GCM1: variants seen among roughly 807,000 people sequenced by gnomAD.
GCM1 encodes chorion-specific transcription factor GCMa.
GCM1 carries 2 observed loss-of-function variants against 25.7 expected under a neutral mutation model. The observed-to-expected ratio is 0.08, with a 90% CI of 0.03 to 0.24. The LOEUF is 0.24. GCM1 is among the 10% of genes least tolerant of loss of function. The pLI, the probability that GCM1 is intolerant of heterozygous loss-of-function variation, is 1.00. For missense variants in GCM1, 395 were observed against 538.7 expected (o/e 0.73, Z 2.64); for synonymous variants, 183 against 195.7 (o/e 0.94, Z 0.54).
chr6:53,131,032 G>A (rs1184888213), intron 4 of GCM1, 101 bp from the exon 5 acceptor site: 7 of 1,138,950 alleles, frequency 6.1e-6, no homozygotes, highest in South Asian at 2.8e-5. Context: ...TGCCCCGGGG[G>A]TGGTGTTGCA....
Position 53,128,235 on chromosome 6 carries a change from T to G in GCM1, c.1282A>C (p.Met428Leu). ...CTCAAAGGACACAGGTTCAGAAGCA[T>G]ATCATTGTTGCAGTGATCCAAACCC... is the stretch of plus-strand genomic sequence containing the variant. The part of the protein sequence containing the change: ...YLGLDHCNND[M>L]LLNLCPLR Residue 428 changes from methionine (M) to leucine (L), a missense_variant, in exon 6 of 6, where the codon ATG becomes CTG. Around this residue, in one of 5 missense-constraint regions of GCM1, gnomAD observed 291 missense variants for 314.6 expected, o/e 0.92. Transcript: ENST00000259803. 2 of 1,610,398 alleles carry G rather than the reference T, an allele frequency of 1.2e-6. No homozygotes were observed. The highest frequency in any genetic ancestry group is 1.7e-6 in the Non-Finnish European group (2 of 1,179,870).
chr6:53,132,336 G>A (rs1222321413), intron 3 of GCM1, among the ~76,000 whole-genome samples: 1 of 152,196 alleles, frequency 6.6e-6, no homozygotes, highest in African/African-American at 2.4e-5. Flanking sequence ...TAGGGGAAGT[G>A]GTTGCCTACC....
chr6:53,130,769 C>T (rs777781436), intron 5 of GCM1, 34 bp downstream of exon 5: 37 of 1,592,118 alleles, frequency 2.3e-5, no homozygotes, highest in Non-Finnish European at 2.7e-5. Context: ...TGGCAAGCTA[C>T]TGCATGTATT....
intron 1 of GCM1, among the ~76,000 whole-genome samples, chr6:53,147,585 C>T (rs143998181): frequency 6.6e-6 from 1 of 151,758 alleles, no homozygotes; most frequent in African/African-American, 2.4e-5. Context: ...CGCACCACCA[C>T]ACCCAGCTAA....
At position 53,128,335 on chromosome 6, in the gene GCM1, G is replaced by A; in HGVS notation, c.1182C>T (p.Ala394=). The A allele has an allele frequency of 6.2e-7, 1 of 1,614,086 alleles. No individual in the cohort carries two copies. The highest frequency in any genetic ancestry group is 8.5e-7 in the Non-Finnish European group (1 of 1,179,972). The change falls in exon 6 of 6, where the codon GCC becomes GCT. Residue 394 remains alanine (A), a synonymous_variant. Coordinates refer to ENST00000259803, the MANE Select transcript of GCM1 (RefSeq NM_003643.4). ...PQEDPFLFTY[A]SHPHQQYSLP... is the part of the protein sequence containing the mutation. ...GTGAATATTGCTGATGAGGATGAGA[G>A]GCGTAGGTGAAGAGAAAGGGGTCTT...
rs1317203832 is a variant in GCM1 at position 53,128,914 on chromosome 6, A to G, written c.603T>C (p.Ser201=). 1.2e-6 allele frequency: 2 copies of G among 1,613,240 alleles called. No homozygotes were observed. Among genetic ancestry groups the G allele is most frequent in the East Asian group, 4.5e-5 (2 of 44,874 alleles). The part of the protein sequence containing the change: ...SLPGETQSQG[S]LPLTWSFQEG... ...CCTGGAAAGACCAAGTTAAAGGTAA[A>G]CTCCCCTGACTTTGTGTTTCACCTG... The change falls in exon 6 of 6, where the codon AGT becomes AGC. Residue 201 remains serine (S), a synonymous_variant. Coordinates refer to ENST00000259803, the MANE Select transcript of GCM1 (RefSeq NM_003643.4).
chr6:53,140,630 A>G (rs921683077), intron 2 of GCM1, among the ~76,000 whole-genome samples: 2 of 151,522 alleles, frequency 1.3e-5, no homozygotes, highest in Admixed American at 1.3e-4. Context: ...CTCAGTGTGT[A>G]GGAACAAAAT....
At chr6:53,129,639 A>G (rs1029455116) in intron 5 of GCM1, among the ~76,000 whole-genome samples, 1 of 152,176 alleles carries the variant, frequency 6.6e-6, no homozygotes, top group Admixed American at 6.5e-5. Context: ...AACTTCAAAG[A>G]TTTATATTAT....
At chr6:53,144,334 A>G (rs907176526) in intron 2 of GCM1, among the ~76,000 whole-genome samples, 1 of 151,180 alleles carries the variant, frequency 6.6e-6, no homozygotes, top group Non-Finnish European at 1.5e-5. Flanking sequence ...CTGAGGCAGG[A>G]GGATCACTTG....
rs139699761 is a variant in GCM1, at chr6:53,128,249, T to A, written c.1268A>T (p.His423Leu). ...EEEMTYLGLD[H>L]CNNDMLLNLC... Reference sequence around the variant, plus strand: ...GTTCAGAAGCATATCATTGTTGCAGTGATCCAAACCCAAGTATGTCATTTC... The same window carrying A: ...GTTCAGAAGCATATCATTGTTGCAGAGATCCAAACCCAAGTATGTCATTTC... The change falls in exon 6 of 6, where the codon CAC becomes CTC. Residue 423 changes from histidine to leucine, a missense_variant. Around this residue, in one of 5 missense-constraint regions of GCM1, gnomAD observed 291 missense variants for 314.6 expected, o/e 0.92. Coordinates refer to ENST00000259803, the MANE Select transcript of GCM1 (RefSeq NM_003643.4). 1.5e-4 allele frequency: 238 copies of A among 1,612,278 alleles called. No individual in the cohort carries two copies. In the South Asian group the frequency reaches 1.8e-3, roughly 12 times the overall value.
Position 53,128,801 on chromosome 6 carries a change from G to A in GCM1, c.716C>T (p.Ser239Phe). 1.2e-6 allele frequency: 2 copies of A among 1,613,732 alleles called. No individual in the cohort carries two copies. The highest frequency in any genetic ancestry group is 1.7e-6 in the Non-Finnish European group (2 of 1,179,668). Residue 239 changes from serine to phenylalanine, a missense_variant, in exon 6 of 6, where the codon TCC (serine) becomes TTC (phenylalanine). By Grantham distance (155) the Ser-to-Phe change is radical (BLOSUM62 -2). Coordinates refer to ENST00000259803, the MANE Select transcript of GCM1 (RefSeq NM_003643.4). ...GATTCCTCCCAGACCATAACTCTTGGAGAAGGAAAAGCAATCATTTAGTGA... is the reference window on the plus strand; with the variant it reads ...GATTCCTCCCAGACCATAACTCTTGAAGAAGGAAAAGCAATCATTTAGTGA... ...QNSLNDCFSF[S>F]KSYGLGGITD...
chr6:53,147,893 A>G (rs1192423180), intron 1 of GCM1, among the ~76,000 whole-genome samples: 4 of 152,152 alleles, frequency 2.6e-5, no homozygotes, highest in Admixed American at 6.6e-5. Context: ...TTTCTCTAGT[A>G]ACAAACTATA....
intron 2 of GCM1, among the ~76,000 whole-genome samples, chr6:53,144,758 T>C (rs1187138856): frequency 6.6e-6 from 1 of 151,308 alleles, no homozygotes; most frequent in African/African-American, 2.4e-5. Context: ...CTACAAAAAA[T>C]ACAAAAATTA....
At chr6:53,136,827 T>C (rs1186435938) in intron 2 of GCM1, among the ~76,000 whole-genome samples, 1 of 152,002 alleles carries the variant, frequency 6.6e-6, no homozygotes, top group Non-Finnish European at 1.5e-5. Flanking sequence ...ATACAAAAAA[T>C]TAGCCAGGTG....
intron 4 of GCM1, among the ~76,000 whole-genome samples, chr6:53,131,712 G>A (rs1316451714): frequency 6.6e-6 from 1 of 152,184 alleles, no homozygotes. Context: ...ACTCAGATTT[G>A]CTGAAGGCTA....
chr6:53,144,351 G>A (rs1053556107), intron 2 of GCM1, among the ~76,000 whole-genome samples: 1 of 150,638 alleles, frequency 6.6e-6, no homozygotes, highest in African/African-American at 2.5e-5. Flanking sequence ...CTTGAGCCCA[G>A]GAAATTGAAA....
intron 2 of GCM1, among the ~76,000 whole-genome samples, chr6:53,141,566 A>G (rs1283568190): frequency 6.6e-6 from 1 of 152,138 alleles, no homozygotes; most frequent in African/African-American, 2.4e-5. Context: ...AGGTGCAAGT[A>G]GTCCCAGCTA....
chr6:53,143,797 C>T (rs534067864), intron 2 of GCM1, among the ~76,000 whole-genome samples: 3 of 129,142 alleles, frequency 2.3e-5, no homozygotes, highest in Admixed American at 1.1e-4. Flanking sequence ...CCAAGATCTA[C>T]GAAGAGAGGA....
chr6:53,138,237 A>G (rs1232644000), intron 2 of GCM1, among the ~76,000 whole-genome samples: 1 of 149,100 alleles, frequency 6.7e-6, no homozygotes, highest in South Asian at 2.1e-4. Context: ...AGCCGAGATC[A>G]TGCCGCTGCA....
Sources: allele counts gnomAD v4.1 joint callset (sites outside exome capture counted in the v4.1 genomes callset), GRCh38; gene constraint gnomAD v4.1.1; regional missense constraint gnomAD v4.1.1; transcripts MANE v1.5; gene names NCBI Gene and HGNC (gene_info 2026-07-23, HGNC 2026-07-21).